The following SLC4A3 variants were observed in gnomAD, a reference collection of about 807,000 sequenced individuals.
SLC4A3 encodes solute carrier family 4 member 3, also known as anion exchange protein 3.
In SLC4A3, 47 loss-of-function variants were observed where a neutral mutation model predicts 114.2. The observed-to-expected ratio is 0.41, with a 90% confidence interval of 0.33 to 0.52. The LOEUF (loss-of-function observed/expected upper bound fraction) is 0.52. SLC4A3 is among the 20% of genes least tolerant of loss of function. The pLI is 0.21. For missense variants in SLC4A3, 1,312 were observed against 1,668.3 expected (o/e 0.79, Z 3.72); for synonymous variants, 693 against 710.3 (o/e 0.98, Z 0.39).
chr2:219,632,517 A>G lies in SLC4A3; in HGVS notation c.1141+75A>G, dbSNP rs373153461. On this transcript the variant is annotated intron_variant, in intron 8 of 22. Transcript: ENST00000358055. ...GCCAGGCTGCTCAGTTCCCAGGAAC[A>G]CTCTCTAGAGTCCTGGGCACAGGCA... is the stretch of plus-strand genomic sequence containing the variant. 80 of 1,442,792 alleles carry G rather than the reference A, an allele frequency of 5.5e-5. No homozygotes were observed. The East Asian group carries it at 7.2e-4, about 13-fold the overall frequency. The allele number at this position is 1,442,792 out of a possible 1,614,324, so 89.4% of individuals were successfully genotyped here.
At chr2:219,629,741 AG>A (rs1559197074) in intron 5 of SLC4A3, 46 bp downstream of exon 5, 2 of 1,316,858 alleles carry the variant, frequency 1.5e-6, no homozygotes, top group Admixed American at 4.0e-5. Flanking sequence ...CCAGAGCCAC[AG>A]GGTCCAGAGC....
rs1451400063 is a variant in SLC4A3 at position 219,636,234 on chromosome 2, C to A, written c.2192-68C>A. The A allele has an allele frequency of 3.8e-6, 6 of 1,591,288 alleles. No individual in the cohort carries two copies. Among genetic ancestry groups the A allele is most frequent in the African/African-American group, 2.7e-5 (2 of 74,560 alleles). On this transcript the variant is annotated intron_variant, in intron 14 of 22. Transcript: ENST00000358055. This position sits in a 1 kb window ranked among gnomAD's most constrained non-coding sequence, Gnocchi z 5.5. ...TTTTGTTGGGGGCCCCAGTTTAGGA[C>A]AAGCTAGATGAAGAAGGGGGCAGAT... is the stretch of plus-strand genomic sequence containing the variant.
Position 219,627,967 on chromosome 2 carries a change from G to A in SLC4A3, c.-26G>A. The A allele has an allele frequency of 6.2e-7, 1 of 1,600,478 alleles. No homozygotes were observed. Among genetic ancestry groups the A allele is most frequent in the Non-Finnish European group, 8.5e-7 (1 of 1,174,262 alleles). On this transcript the variant is annotated 5_prime_UTR_variant, in exon 2 of 23. Transcript: ENST00000358055. ...GGGTCTCGGGTCCCCTAGTGAGCGA[G>A]AGCGTCCCCAGCCGCCTACCTGGCC... is the stretch of plus-strand genomic sequence containing the variant.
Position 219,629,395 on chromosome 2 carries a change from C to G in SLC4A3, c.469C>G (p.His157Asp), listed in dbSNP as rs549219468. The G allele has an allele frequency of 2.0e-5, 32 of 1,568,282 alleles. No homozygotes were observed. Among genetic ancestry groups the G allele is most frequent in the African/African-American group, 2.7e-5 (2 of 73,852 alleles). ...TGAGGCAGAACCTGTGGAGCCCCCCCACTCAGGGACCCCACAGAAGGCAAA... is the reference window on the plus strand; with the variant it reads ...TGAGGCAGAACCTGTGGAGCCCCCCGACTCAGGGACCCCACAGAAGGCAAA... ...ESEAEPVEPP[H>D]SGTPQKAKFS... Residue 157 changes from histidine (H) to aspartate (D), a missense_variant, in exon 4 of 23, where the codon CAC becomes GAC. By Grantham distance (81) the His-to-Asp change is moderately conservative. Around this residue, in one of 4 missense-constraint regions of SLC4A3, gnomAD observed 236 missense variants for 212.1 expected, o/e 1.11. Coordinates refer to ENST00000358055, the MANE Select transcript of SLC4A3 (RefSeq NM_005070.4).
intron 20 of SLC4A3, among the ~76,000 whole-genome samples, chr2:219,640,225 G>GC (rs5838745): frequency 0.056 from 6,099 of 108,108 alleles, 259 homozygotes; most frequent in Non-Finnish European, 0.081. Context: ...CAATGTGTCT[G>GC]CCCCCCCCCC....
rs1574659053 is a variant in SLC4A3 at position 219,639,964 on chromosome 2, C to T, written c.3277+229C>T. On this transcript the variant is annotated intron_variant, in intron 20 of 22. Coordinates refer to ENST00000358055, the MANE Select transcript of SLC4A3 (RefSeq NM_005070.4). This position sits in a 1 kb window ranked among gnomAD's most constrained non-coding sequence, Gnocchi z 5.9. ...TTTTTTTTTGAGACGGAGTCTCGCT[C>T]TGTCACCCAGGCTGGAGTGCAGTGG... 6.6e-6 allele frequency among the ~76,000 whole-genome samples: 1 copy of T among 152,138 alleles called. No individual in the cohort carries two copies. Among genetic ancestry groups the T allele is most frequent in the Non-Finnish European group, 1.5e-5 (1 of 68,022 alleles).
Position 219,633,758 on chromosome 2 carries a change from C to T in SLC4A3, c.1462-122C>T, listed in dbSNP as rs1255803702. 8 of 1,451,754 alleles carry T rather than the reference C, an allele frequency of 5.5e-6. No homozygotes were observed. The Admixed American group carries it at 1.1e-4, about 20-fold the overall frequency. 89.9% of individuals were successfully genotyped at this position (1,451,754 alleles called of 1,614,324 possible). ...TGGCTCCCAGTGTGGGGCCACAGTG[C>T]AGTACCTGCCTACTCTGGGAGGGAG... On this transcript the variant is annotated intron_variant, in intron 10 of 22. Coordinates refer to ENST00000358055, the MANE Select transcript of SLC4A3 (RefSeq NM_005070.4).
In SLC4A3 at chr2:219,641,856, G is replaced by GC. The variant is rs1699337060; in HGVS notation, c.*130dup. On this transcript the variant is annotated 3_prime_UTR_variant, in exon 23 of 23. Coordinates refer to ENST00000358055, the MANE Select transcript of SLC4A3 (RefSeq NM_005070.4). This position sits in a 1 kb window ranked among gnomAD's most constrained non-coding sequence, Gnocchi z 4.0. The stretch of plus-strand genomic sequence containing the variant: ...AGATGTGCCTGGAACCACTCCTGAT[G>GC]CCATGGCTAGAGTGGCCCCCCTGAC... The GC allele has an allele frequency of 1.1e-5, 8 of 720,496 alleles. No individual in the cohort carries two copies. The highest frequency in any genetic ancestry group is 1.9e-5 in the Non-Finnish European group (8 of 422,278). The allele number at this position is 720,496 out of a possible 1,614,324, so 44.6% of individuals were successfully genotyped here. A position where few individuals can be genotyped will look rare whatever the true frequency, so the allele number is the denominator to read the frequency against.
In SLC4A3 at chr2:219,633,387, C is replaced by T. The variant is rs779013558; in HGVS notation, c.1391C>T (p.Ala464Val). The T allele has an allele frequency of 6.3e-6, 10 of 1,598,932 alleles. No individual in the cohort carries two copies. In the African/African-American group the frequency reaches 6.7e-5, roughly 11 times the overall value. ...HPTPSHGPDG[A>V]VPTMADDLGE... ...ACTCCCAGCCATGGCCCTGATGGGG[C>T]GGTGCCTACCATGGCTGATGACCTG... is the stretch of plus-strand genomic sequence containing the variant. The change falls in exon 10 of 23, where the codon GCG becomes GTG. Residue 464 changes from alanine (A) to valine (V), a missense_variant. Around this residue, in one of 4 missense-constraint regions of SLC4A3, gnomAD observed 771 missense variants for 977.7 expected, o/e 0.79. Coordinates refer to ENST00000358055, the MANE Select transcript of SLC4A3 (RefSeq NM_005070.4).
intron 20 of SLC4A3, among the ~76,000 whole-genome samples, chr2:219,640,225 G>GCCCCCCC (rs5838745): frequency 7.4e-5 from 8 of 108,260 alleles, no homozygotes; most frequent in Admixed American, 1.9e-4. Context: ...CAATGTGTCT[G>GCCCCCCC]CCCCCCCCCC....
Position 219,628,187 on chromosome 2 carries a change from GT to G in SLC4A3, c.51+149del, listed in dbSNP as rs527799043. On this transcript the variant is annotated intron_variant, in intron 2 of 22. Coordinates refer to ENST00000358055, the MANE Select transcript of SLC4A3 (RefSeq NM_005070.4). The surrounding 1 kb of genome is among the most constrained non-coding windows in gnomAD (Gnocchi z 4.8). ...CTGGGGGTTACGGAGAAAGAGGGGG[GT>G]TTTTGATATTTTCCAGATCCGTAGC... is the stretch of plus-strand genomic sequence containing the variant. 810 of 820,594 alleles carry G rather than the reference GT, an allele frequency of 9.9e-4. 2 individuals carry two copies. The African/African-American group carries it at 0.012, about 12-fold the overall frequency. The allele number at this position is 820,594 out of a possible 1,614,324, so 50.8% of individuals were successfully genotyped here. A position where few individuals can be genotyped will look rare whatever the true frequency, so the allele number is the denominator to read the frequency against.
At chr2:219,627,813 G>C in intron 1 of SLC4A3, 68 bp downstream of exon 1, 1 of 496,558 alleles carries the variant, frequency 2.0e-6, no homozygotes, top group South Asian at 2.9e-5. Flanking sequence ...GCTGGGCCTC[G>C]GAGGGGCGCT....
rs1574647336 is a variant in SLC4A3 at position 219,631,497 on chromosome 2, C to T, written c.812-471C>T. 1.5e-6 allele frequency: 2 copies of T among 1,293,386 alleles called. No homozygotes were observed. The highest frequency in any genetic ancestry group is 3.0e-5 in the African/African-American group (2 of 65,844). The allele number at this position is 1,293,386 out of a possible 1,614,324, so 80.1% of individuals were successfully genotyped here. On this transcript the variant is annotated intron_variant, in intron 6 of 22. Transcript: ENST00000358055. This position sits in a 1 kb window ranked among gnomAD's most constrained non-coding sequence, Gnocchi z 6.3. Reference sequence around the variant, plus strand: ...CTGGCCTTTCCCCGACTGCTGCTGGCCTGGGTGGGGCAGACAGGAGGAAGG... The same window carrying T: ...CTGGCCTTTCCCCGACTGCTGCTGGTCTGGGTGGGGCAGACAGGAGGAAGG...
At position 219,632,749 on chromosome 2, in the gene SLC4A3, C is replaced by T. The variant is rs1199943126; in HGVS notation, c.1142-125C>T. On this transcript the variant is annotated intron_variant, in intron 8 of 22. Coordinates refer to ENST00000358055, the MANE Select transcript of SLC4A3 (RefSeq NM_005070.4). ...TGGCAATATGGAGCTGTGTATCCAT[C>T]TGGGTACATTGGGCGCTTTGCCCTT... 5 of 1,205,490 alleles carry T rather than the reference C, an allele frequency of 4.1e-6. No individual in the cohort carries two copies. The African/African-American group carries it at 7.5e-5, about 18-fold the overall frequency. 74.7% of individuals were successfully genotyped at this position (1,205,490 alleles called of 1,614,324 possible).
chr2:219,633,855 C>T (rs1174949070), intron 10 of SLC4A3, 25 bp from the exon 11 acceptor site: 3 of 1,552,110 alleles, frequency 1.9e-6, no homozygotes, highest in Non-Finnish European at 2.6e-6. Flanking sequence ...TGGGTCCCAG[C>T]CCTATTCCAG....
At chr2:219,634,287 C>A in intron 11 of SLC4A3, 133 bp from the exon 12 acceptor site, 1 of 834,208 alleles carries the variant, frequency 1.2e-6, no homozygotes, top group Non-Finnish European at 1.9e-6. Flanking sequence ...GCGAATAGTG[C>A]CCTTTTAGAC....
At chr2:219,634,369 G>A (rs1430927411) in intron 11 of SLC4A3, 51 bp from the exon 12 acceptor site, 3 of 1,592,694 alleles carry the variant, frequency 1.9e-6, no homozygotes, top group African/African-American at 1.3e-5. Context: ...CCCAGGGCCT[G>A]CCTTGACTGC....
At position 219,636,528 on chromosome 2, in the gene SLC4A3, T is replaced by A. The variant is rs1161355117; in HGVS notation, c.2340+78T>A. On this transcript the variant is annotated intron_variant, in intron 15 of 22. Transcript: ENST00000358055. The surrounding 1 kb of genome is among the most constrained non-coding windows in gnomAD (Gnocchi z 5.5). Reference sequence around the variant, plus strand: ...CCTACATCCTGCCCCACACTCTTCCTTACCTACATCCTGCCCCACACTCTT... The same window carrying A: ...CCTACATCCTGCCCCACACTCTTCCATACCTACATCCTGCCCCACACTCTT... The A allele has an allele frequency of 6.6e-7, 1 of 1,511,738 alleles. No homozygotes were observed. The highest frequency in any genetic ancestry group is 1.4e-5 in the African/African-American group (1 of 71,568). 93.6% of individuals were successfully genotyped at this position (1,511,738 alleles called of 1,614,324 possible). A position where few individuals can be genotyped will look rare whatever the true frequency, so the allele number is the denominator to read the frequency against.
chr2:219,627,766 CCGGGCAGGG>C, intron 1 of SLC4A3, 21 bp downstream of exon 1: 1 of 345,440 alleles, frequency 2.9e-6, no homozygotes, highest in Non-Finnish European at 5.2e-6. Context: ...GCGGGGCACG[CCGGGCAGGG>C]CGGGGGACCC....
Sources: gnomAD v4.1 joint callset for allele counts (sites outside exome capture counted in the v4.1 genomes callset) on GRCh38, gnomAD v4.1.1 for gene constraint, gnomAD v4.1.1 regional missense constraint, Gnocchi (gnomAD v3.1) non-coding constraint, MANE v1.5 for transcripts, NCBI Gene and HGNC (gene_info 2026-07-23, HGNC 2026-07-21) for gene names.